Variants in PSEN1 observed in about 807,000 individuals in gnomAD.
The protein encoded by PSEN1 is presenilin-1.
In PSEN1, 15 loss-of-function variants were observed where a neutral mutation model predicts 53.5. The ratio of observed to expected loss-of-function variants is 0.28; its 90% confidence interval spans 0.19 to 0.43. The LOEUF is 0.43. Ranked by LOEUF, PSEN1 falls within the 20% of genes least tolerant of loss-of-function variation. The pLI, the probability that PSEN1 is intolerant of heterozygous loss-of-function variation, is 1.00. For missense variants in PSEN1, 387 were observed against 571.2 expected (o/e 0.68, Z 3.29); for synonymous variants, 208 against 209.8 (o/e 0.99, Z 0.08).
chr14:73,187,039 T>C, intron 6 of PSEN1, 119 bp downstream of exon 6: 1 of 831,398 alleles, frequency 1.2e-6, no homozygotes, highest in African/African-American at 1.7e-5. Flanking sequence ...TGTTTCCACA[T>C]ATAGGTCATA....
intron 6 of PSEN1, among the ~76,000 whole-genome samples, chr14:73,192,070 T>G (rs1342447957): frequency 6.6e-6 from 1 of 152,116 alleles, no homozygotes; most frequent in Non-Finnish European, 1.5e-5. Context: ...TTTATATGAA[T>G]GATACAGAGC....
chr14:73,217,857 C>T (rs1040342708), intron 11 of PSEN1, among the ~76,000 whole-genome samples: 8 of 144,296 alleles, frequency 5.5e-5, no homozygotes, highest in Non-Finnish European at 7.5e-5. Flanking sequence ...GGTGCAATCT[C>T]GGCTCATTGC....
chr14:73,143,036 C>G (rs770452158), intron 1 of PSEN1, among the ~76,000 whole-genome samples: 57 of 152,196 alleles, frequency 3.7e-4, no homozygotes, highest in Non-Finnish European at 7.3e-4. Flanking sequence ...TTGTTGTTCA[C>G]AGGGCTAAGA....
Position 73,219,344 on chromosome 14 carries a change from G to T in PSEN1, c.*55G>T. The stretch of plus-strand genomic sequence containing the variant: ...TTCTTCTTTGACTATAACAAAATCT[G>T]GGGAGGACAAAGGTGATTTTCCTGT... On this transcript the variant is annotated 3_prime_UTR_variant, in exon 12 of 12. Coordinates refer to ENST00000324501, the MANE Select transcript of PSEN1 (RefSeq NM_000021.4). 1 of 1,551,736 alleles carries T rather than the reference G, an allele frequency of 6.4e-7. No individual in the cohort carries two copies. Among genetic ancestry groups the T allele is most frequent in the Non-Finnish European group, 8.9e-7 (1 of 1,126,902 alleles).
intron 3 of PSEN1, among the ~76,000 whole-genome samples, chr14:73,165,932 G>A (rs1019450690): frequency 2.6e-5 from 4 of 151,160 alleles, no homozygotes; most frequent in African/African-American, 7.3e-5. Flanking sequence ...GGTGGATGCC[G>A]ATAATCCCAG....
Position 73,147,832 on chromosome 14 carries a change from C to T in PSEN1, c.-98C>T, listed in dbSNP as rs201506908. 8.3e-5 allele frequency: 50 copies of T among 600,370 alleles called. No individual in the cohort carries two copies. Among genetic ancestry groups the T allele is most frequent in the Admixed American group, 6.8e-4 (26 of 38,250 alleles). 37.2% of individuals were successfully genotyped at this position (600,370 alleles called of 1,614,324 possible). ...AGCCTGCAAGTGACAACAGCCTTTGCGGTCCTTAGACAGCTTGGCCTGGAG... is the reference window on the plus strand; with the variant it reads ...AGCCTGCAAGTGACAACAGCCTTTGTGGTCCTTAGACAGCTTGGCCTGGAG... On this transcript the variant is annotated 5_prime_UTR_variant, in exon 2 of 12. Transcript: ENST00000324501.
rs1221720163 is a variant in PSEN1 at position 73,144,378 on chromosome 14, T to C, written c.-135-3417T>C. 5.3e-5 allele frequency among the ~76,000 whole-genome samples: 8 copies of C among 152,262 alleles called. No homozygotes were observed. In the East Asian group the frequency reaches 1.5e-3, roughly 29 times the overall value. On this transcript the variant is annotated intron_variant, in intron 1 of 11. Transcript: ENST00000324501. ...TTAAAAAAACATAAATACTAGGATA[T>C]TGAGATTATTGAAAATGCTTTTGGT... is the stretch of plus-strand genomic sequence containing the variant.
intron 5 of PSEN1, among the ~76,000 whole-genome samples, chr14:73,181,156 T>G (rs953719816): frequency 6.6e-6 from 1 of 152,182 alleles, no homozygotes; most frequent in Non-Finnish European, 1.5e-5. Context: ...AATCATAGTT[T>G]CAGCTGGGCG....
intron 5 of PSEN1, among the ~76,000 whole-genome samples, chr14:73,184,107 C>A (rs184194): frequency 1.1e-4 from 9 of 81,722 alleles, no homozygotes; most frequent in South Asian, 4.5e-4. Flanking sequence ...GGGGGGCTGA[C>A]CCCCCCCCAC....
intron 3 of PSEN1, among the ~76,000 whole-genome samples, chr14:73,165,484 G>A (rs1163710654): frequency 3.3e-5 from 5 of 151,738 alleles, no homozygotes; most frequent in Admixed American, 6.6e-5. Context: ...AGTGGCTCAC[G>A]CCTTCAATCC....
intron 8 of PSEN1, among the ~76,000 whole-genome samples, chr14:73,198,772 G>C (rs1282714579): frequency 6.6e-6 from 1 of 152,132 alleles, no homozygotes; most frequent in Non-Finnish European, 1.5e-5. Flanking sequence ...ATGCTTTCCT[G>C]TGTTTTCTTG....
intron 5 of PSEN1, among the ~76,000 whole-genome samples, chr14:73,177,103 T>G (rs1566632545): frequency 6.6e-6 from 1 of 152,242 alleles, no homozygotes; most frequent in Admixed American, 6.5e-5. Flanking sequence ...TTTGGTCCTT[T>G]TTGCAGTTTT....
chr14:73,161,957 C>T (rs1897552985), intron 3 of PSEN1, among the ~76,000 whole-genome samples: 1 of 144,570 alleles, frequency 6.9e-6, no homozygotes, highest in South Asian at 2.2e-4. Context: ...GAGTTTGAGA[C>T]CAGCCTGGCT....
At chr14:73,198,559 G>A (rs1452190749) in intron 8 of PSEN1, among the ~76,000 whole-genome samples, 1 of 152,108 alleles carries the variant, frequency 6.6e-6, no homozygotes, top group Non-Finnish European at 1.5e-5. Context: ...TGGTGGGTTG[G>A]ATACTGAGAT....
intron 3 of PSEN1, among the ~76,000 whole-genome samples, chr14:73,167,633 C>CT (rs1161068937): frequency 6.6e-6 from 1 of 152,102 alleles, no homozygotes; most frequent in Non-Finnish European, 1.5e-5. Flanking sequence ...ATCCCTTACC[C>CT]TATTCCATTA....
Position 73,200,729 on chromosome 14 carries a change from T to C in PSEN1, c.868+2600T>C, listed in dbSNP as rs7161030. On this transcript the variant is annotated intron_variant, in intron 8 of 11. Transcript: ENST00000324501. ...CTTGTAGATTTTTTTTGCCAATTTT[T>C]CTGTTGAGTTACTGGAAAAGCAGTT... 7.2e-3 allele frequency among the ~76,000 whole-genome samples: 1,097 copies of C among 152,252 alleles called. 12 individuals carry two copies. The highest frequency in any genetic ancestry group is 0.025 in the African/African-American group (1,053 of 41,534).
chr14:73,162,021 A>G lies in PSEN1; in HGVS notation c.88-8776A>G, dbSNP rs80078500. The stretch of plus-strand genomic sequence containing the variant: ...AAAAAAAAAAAAAAAAAAAAATAGA[A>G]AAAGAAACCAAACCAGGTGTGGTGA... On this transcript the variant is annotated intron_variant, in intron 3 of 11. Transcript: ENST00000324501. Among the ~76,000 whole-genome samples the G allele has an allele frequency of 5.5e-3, 834 of 150,934 alleles. 11 individuals carry two copies. The highest frequency in any genetic ancestry group is 0.019 in the African/African-American group (796 of 41,200).
At chr14:73,183,824 G>A (rs1898313960) in intron 5 of PSEN1, among the ~76,000 whole-genome samples, 1 of 151,560 alleles carries the variant, frequency 6.6e-6, no homozygotes, top group African/African-American at 2.4e-5. Context: ...ACACCTCCCA[G>A]ACGGGGTGGT....
chr14:73,190,386 G>A (rs1401313314), intron 6 of PSEN1, among the ~76,000 whole-genome samples: 2 of 151,700 alleles, frequency 1.3e-5, no homozygotes, highest in Non-Finnish European at 2.9e-5. Flanking sequence ...CTGCTTGGGA[G>A]GCTGAGTCAG....
Sources: allele counts gnomAD v4.1 joint callset (sites outside exome capture counted in the v4.1 genomes callset), GRCh38; gene constraint gnomAD v4.1.1; transcripts MANE v1.5; gene names NCBI Gene and HGNC (gene_info 2026-07-23, HGNC 2026-07-21).